Variants in ABCA3 observed in about 807,000 individuals in gnomAD.
The protein encoded by ABCA3 is phospholipid-transporting ATPase ABCA3.
In ABCA3, 88 loss-of-function variants were observed where a neutral mutation model predicts 172.8. The observed-to-expected ratio is 0.51, with a 90% CI of 0.43 to 0.61. The LOEUF (loss-of-function observed/expected upper bound fraction) is 0.61, where lower values mean the gene tolerates loss of function less well. Among genes scored for constraint, ABCA3 ranks in the 20% least tolerant of loss-of-function variants. The pLI, the probability that ABCA3 is intolerant of heterozygous loss-of-function variation, is 0.00. For missense variants in ABCA3, 2,164 were observed against 2,301.0 expected, an observed-to-expected ratio of 0.94 and a Z score of 1.22; for synonymous variants, 1,066 against 983.8, an observed-to-expected ratio of 1.08 and a Z score of -1.56.
rs45544739 is a variant in ABCA3, at chr16:2,329,322, G to C, written c.-332+326C>G. Reference sequence around the variant, plus strand: ...ACATTAAGGCCTGTGGTTTATAAAAGGTTTCTAGAAGTGGTTTAGGCAAAA... The same window carrying C: ...ACATTAAGGCCTGTGGTTTATAAAACGTTTCTAGAAGTGGTTTAGGCAAAA... On this transcript the variant is annotated intron_variant, in intron 2 of 32. Coordinates refer to ENST00000301732, the MANE Select transcript of ABCA3 (RefSeq NM_001089.3). Among the ~76,000 whole-genome samples, 630 of 152,266 alleles carry C rather than the reference G, an allele frequency of 4.1e-3. 8 individuals carry two copies. Among genetic ancestry groups the C allele is most frequent in the African/African-American group, 0.014 (595 of 41,548 alleles).
At chr16:2,309,925 A>C (rs1426929204) in intron 10 of ABCA3, among the ~76,000 whole-genome samples, 1 of 152,112 alleles carries the variant, frequency 6.6e-6, no homozygotes, top group Non-Finnish European at 1.5e-5. Flanking sequence ...CAGCCATCAA[A>C]ATCTTTGGTC....
At chr16:2,307,533 A>C (rs1252561988) in intron 11 of ABCA3, among the ~76,000 whole-genome samples, 2 of 152,082 alleles carry the variant, frequency 1.3e-5, no homozygotes, top group African/African-American at 2.4e-5. Context: ...AAACCTGGGA[A>C]ACAGAACGAG....
chr16:2,302,297 C>T (rs900030390), intron 12 of ABCA3, among the ~76,000 whole-genome samples: 2 of 151,930 alleles, frequency 1.3e-5, no homozygotes, highest in African/African-American at 2.4e-5. Context: ...GAGCTGGTCT[C>T]GGCAGTGATT....
rs34912779 is a variant in ABCA3 at position 2,295,671 on chromosome 16, T to C, written c.2333A>G (p.His778Arg). The C allele has an allele frequency of 7.1e-4, 1,144 of 1,614,074 alleles. 5 individuals are homozygous for C. The African/African-American group carries it at 0.012, about 18-fold the overall frequency. ...CAGCGTGGCGTTGGGCACGTGGTGG[T>C]GGACCAGCTGGGAGATGTCTTCCGG... ...CNPEDISQLV[H>R]HHVPNATLES... Residue 778 changes from histidine (H) to arginine (R), a missense_variant, in exon 18 of 33, where the codon CAC (histidine) becomes CGC (arginine). Around this residue, in one of 3 missense-constraint regions of ABCA3, gnomAD observed 1,343 missense variants for 1,369.6 expected, o/e 0.98. Coordinates refer to ENST00000301732, the MANE Select transcript of ABCA3 (RefSeq NM_001089.3).
chr16:2,291,292 C>T (rs2093671578), intron 19 of ABCA3, among the ~76,000 whole-genome samples: 1 of 152,120 alleles, frequency 6.6e-6, no homozygotes, highest in Admixed American at 6.5e-5. Context: ...CACCACTGCA[C>T]TCCAGCCTGG....
intron 1 of ABCA3, among the ~76,000 whole-genome samples, chr16:2,330,083 G>A (rs1251031816): frequency 6.6e-6 from 1 of 151,840 alleles, no homozygotes; most frequent in Non-Finnish European, 1.5e-5. Context: ...ATCACCTGAG[G>A]TCAGGAGTTT....
At chr16:2,336,023 T>C (rs1210399583) in intron 1 of ABCA3, among the ~76,000 whole-genome samples, 1 of 152,160 alleles carries the variant, frequency 6.6e-6, no homozygotes, top group African/African-American at 2.4e-5. Context: ...TCATCTACCT[T>C]TTTTCTTTTA....
At position 2,326,202 on chromosome 16, in the gene ABCA3, G is replaced by A. The variant is rs373617498; in HGVS notation, c.127C>T (p.Arg43Cys). ...LLFSGILIWL[R>C]LKIQSENVPN... ...ACATTTTCCGACTGAATCTTCAAGC[G>A]GAGCCAGATGAGGATCCCAGAAAAC... Residue 43 changes from arginine (R) to cysteine (C), a missense_variant, in exon 5 of 33, where the codon CGC becomes TGC. By Grantham distance (180) the Arg-to-Cys change is radical. Coordinates refer to ENST00000301732, the MANE Select transcript of ABCA3 (RefSeq NM_001089.3). 4.3e-6 allele frequency: 7 copies of A among 1,613,992 alleles called. No homozygotes were observed. The highest frequency in any genetic ancestry group is 5.1e-6 in the Non-Finnish European group (6 of 1,180,050).
Position 2,284,158 on chromosome 16 carries a change from G to T in ABCA3, c.3862+121C>A. The T allele has an allele frequency of 7.8e-7, 1 of 1,285,904 alleles. No individual in the cohort carries two copies. The highest frequency in any genetic ancestry group is 1.1e-6 in the Non-Finnish European group (1 of 946,142). 79.7% of individuals were successfully genotyped at this position (1,285,904 alleles called of 1,614,324 possible). ...GGGAGGTGGGGCAAGGCGGTACAGA[G>T]GAACGCACCAGCCCCAGGCCACTCA... On this transcript the variant is annotated intron_variant, in intron 25 of 32. Transcript: ENST00000301732. This position sits in a 1 kb window ranked among gnomAD's most constrained non-coding sequence, Gnocchi z 5.9.
chr16:2,323,896 G>C (rs141235208), intron 6 of ABCA3, among the ~76,000 whole-genome samples: 18 of 152,256 alleles, frequency 1.2e-4, no homozygotes, highest in Admixed American at 4.6e-4. Context: ...GCCCCTTTTG[G>C]GGGGTGGTTC....
chr16:2,297,275 C>T lies in ABCA3; in HGVS notation c.2263+54G>A, dbSNP rs2093681235. On this transcript the variant is annotated intron_variant, in intron 17 of 32. Transcript: ENST00000301732. This position sits in a 1 kb window ranked among gnomAD's most constrained non-coding sequence, Gnocchi z 5.6. ...CCTTCATGAAGGTAGCAGCCATTCC[C>T]TCAGCACGGCAGCCAGGACACCGAC... 1.9e-6 allele frequency: 3 copies of T among 1,587,986 alleles called. No individual in the cohort carries two copies. Among genetic ancestry groups the T allele is most frequent in the African/African-American group, 1.3e-5 (1 of 74,496 alleles).
At chr16:2,333,817 T>C (rs918843310) in intron 1 of ABCA3, among the ~76,000 whole-genome samples, 7 of 151,598 alleles carry the variant, frequency 4.6e-5, no homozygotes, top group African/African-American at 1.7e-4. Context: ...GCCTCCTGAG[T>C]AGCTGGGATT....
chr16:2,315,179 G>A (rs962297974), intron 10 of ABCA3, among the ~76,000 whole-genome samples: 10 of 149,432 alleles, frequency 6.7e-5, no homozygotes, highest in East Asian at 2.0e-4. Flanking sequence ...CATGGTGCCC[G>A]GTCATAAATT....
rs1338506619 is a variant in ABCA3, at chr16:2,278,829, G to C, written c.4547+114C>G. 10 of 1,487,722 alleles carry C rather than the reference G, an allele frequency of 6.7e-6. No homozygotes were observed. Among genetic ancestry groups the C allele is most frequent in the African/African-American group, 2.8e-5 (2 of 72,592 alleles). 92.2% of individuals were successfully genotyped at this position (1,487,722 alleles called of 1,614,324 possible). A position where few individuals can be genotyped will look rare whatever the true frequency, so the allele number is the denominator to read the frequency against. ...CACCACCACATCCCAGCTCCATCCT[G>C]GAGCCACAAGCAGGAGCTCTGGCTG... On this transcript the variant is annotated intron_variant, in intron 29 of 32. Transcript: ENST00000301732. This position sits in a 1 kb window ranked among gnomAD's most constrained non-coding sequence, Gnocchi z 4.4.
chr16:2,284,330 G>A lies in ABCA3; in HGVS notation c.3811C>T (p.Arg1271Trp), dbSNP rs779707514. The change falls in exon 25 of 33, where the codon CGG (arginine) becomes TGG (tryptophan). Residue 1271 changes from arginine to tryptophan, a missense_variant. Physicochemically the swap from Arg to Trp is moderately radical, Grantham distance 101. Coordinates refer to ENST00000301732, the MANE Select transcript of ABCA3 (RefSeq NM_001089.3). This position sits in a 1 kb window ranked among gnomAD's most constrained non-coding sequence, Gnocchi z 5.9. ...ACCTCGGAGGAGGTGCAGTACCTCC[G>A]CGTCTCGTAGTTCTCGTAGAAACTG... ...VSSFYENYET[R>W]RYCTSSEVAA... 14 of 1,613,768 alleles carry A rather than the reference G, an allele frequency of 8.7e-6. No individual in the cohort carries two copies. The highest frequency in any genetic ancestry group is 1.6e-4 in the Middle Eastern group (1 of 6,078).
At chr16:2,336,549 G>A (rs200477841) in intron 1 of ABCA3, among the ~76,000 whole-genome samples, 4 of 149,198 alleles carry the variant, frequency 2.7e-5, no homozygotes, top group East Asian at 3.9e-4. Flanking sequence ...TCCTGCCTCC[G>A]CCTCCTGAGT....
chr16:2,335,093 T>C (rs910118260), intron 1 of ABCA3, among the ~76,000 whole-genome samples: 6 of 152,000 alleles, frequency 3.9e-5, no homozygotes, highest in African/African-American at 1.4e-4. Flanking sequence ...CCTCCCAAAG[T>C]GCTGGGATTA....
chr16:2,293,587 G>C (rs2093675411), intron 18 of ABCA3, among the ~76,000 whole-genome samples: 2 of 150,768 alleles, frequency 1.3e-5, no homozygotes, highest in African/African-American at 4.9e-5. Flanking sequence ...ACCCAGGCTG[G>C]AGTGCGGTGG....
At chr16:2,304,355 C>A (rs1028695254) in intron 11 of ABCA3, among the ~76,000 whole-genome samples, 1 of 152,138 alleles carries the variant, frequency 6.6e-6, no homozygotes, top group Admixed American at 6.5e-5. Context: ...ATAATTAAGT[C>A]ACAGACCAGC....
Sources: allele counts gnomAD v4.1 joint callset (sites outside exome capture counted in the v4.1 genomes callset), GRCh38; gene constraint gnomAD v4.1.1; regional missense constraint gnomAD v4.1.1; non-coding constraint Gnocchi (gnomAD v3.1); transcripts MANE v1.5; gene names NCBI Gene and HGNC (gene_info 2026-07-23, HGNC 2026-07-21).